The following DCDC2C variants were observed in gnomAD, a reference collection of about 807,000 sequenced individuals.
DCDC2C encodes doublecortin domain containing 2C.
A neutral mutation model predicts 45.0 loss-of-function variants in DCDC2C; 44 were observed. The ratio of observed to expected loss-of-function variants is 0.98; its 90% CI spans 0.77 to 1.26. The LOEUF (loss-of-function observed/expected upper bound fraction) is 1.26. DCDC2C is among the 50% of genes most tolerant of loss of function. DCDC2C has a pLI of 0.00. For missense variants in DCDC2C, 447 were observed against 468.9 expected (o/e 0.95, Z 0.43); for synonymous variants, 187 against 178.8 (o/e 1.05, Z -0.37).
chr2:3,730,471 A>G (rs1353003387), intron 3 of DCDC2C, among the ~76,000 whole-genome samples: 1 of 152,142 alleles, frequency 6.6e-6, no homozygotes, highest in Non-Finnish European at 1.5e-5. Context: ...ATTACGACAG[A>G]ACAAAGGGAT....
At chr2:3,790,728 T>C (rs1365070038) in intron 10 of DCDC2C, among the ~76,000 whole-genome samples, 6 of 152,166 alleles carry the variant, frequency 3.9e-5, no homozygotes, top group Admixed American at 1.3e-4. Flanking sequence ...GCAATCAACA[T>C]TGGAGTCTCA....
Position 3,767,893 on chromosome 2 carries a change from T to A in DCDC2C, c.853+13T>A. Reference sequence around the variant, plus strand: ...CAAAGGGGTGCAGGTGACGTGCAGTTTCATTCTGCTGTAGGCAGTTCGAAA... The same window carrying A: ...CAAAGGGGTGCAGGTGACGTGCAGTATCATTCTGCTGTAGGCAGTTCGAAA... On this transcript the variant is annotated intron_variant, in intron 7 of 10. Coordinates refer to ENST00000399143, the MANE Select transcript of DCDC2C (RefSeq NM_001287444.2). 1 of 1,494,216 alleles carries A rather than the reference T, an allele frequency of 6.7e-7. No homozygotes were observed. Among genetic ancestry groups the A allele is most frequent in the South Asian group, 1.4e-5 (1 of 73,568 alleles). 92.6% of individuals were successfully genotyped at this position (1,494,216 alleles called of 1,614,324 possible).
intron 8 of DCDC2C, among the ~76,000 whole-genome samples, chr2:3,771,799 C>T (rs79542059): frequency 0.1 from 15,482 of 152,250 alleles, 1,062 homozygotes; most frequent in East Asian, 0.3. Flanking sequence ...GCGCCTGGCC[C>T]GTGCTGCCTG....
chr2:3,808,947 T>C (rs1033739185), intron 10 of DCDC2C, among the ~76,000 whole-genome samples: 2 of 151,798 alleles, frequency 1.3e-5, no homozygotes, highest in African/African-American at 2.4e-5. Flanking sequence ...GGAATGAGGA[T>C]TTTTTTTTAA....
chr2:3,782,400 G>A (rs150241308), intron 9 of DCDC2C, among the ~76,000 whole-genome samples: 33 of 152,004 alleles, frequency 2.2e-4, no homozygotes, highest in African/African-American at 4.8e-4. Context: ...CAATTCTGAC[G>A]ATATTGGGCA....
intron 10 of DCDC2C, among the ~76,000 whole-genome samples, chr2:3,821,326 C>T (rs751612534): frequency 2.0e-5 from 3 of 152,160 alleles, no homozygotes; most frequent in Non-Finnish European, 2.9e-5. Context: ...TTAGCTTGGG[C>T]TCAGAGACCT....
chr2:3,795,062 T>A (rs898207900), intron 10 of DCDC2C, among the ~76,000 whole-genome samples: 6 of 152,066 alleles, frequency 3.9e-5, no homozygotes, highest in African/African-American at 1.2e-4. Flanking sequence ...CCATTCTAAC[T>A]GGTGTGAGAT....
At chr2:3,742,444 A>C (rs1353628173) in intron 4 of DCDC2C, among the ~76,000 whole-genome samples, 2 of 152,092 alleles carry the variant, frequency 1.3e-5, no homozygotes, top group Non-Finnish European at 2.9e-5. Context: ...GTCTTGGCAG[A>C]GATGGGGGAA....
chr2:3,800,277 C>A (rs1401928242), intron 10 of DCDC2C, among the ~76,000 whole-genome samples: 6 of 152,192 alleles, frequency 3.9e-5, no homozygotes, highest in Non-Finnish European at 7.4e-5. Context: ...CTGGCACTCC[C>A]TAGTGAGATG....
intron 10 of DCDC2C, among the ~76,000 whole-genome samples, chr2:3,799,914 A>C (rs1275882669): frequency 6.6e-5 from 10 of 152,044 alleles, no homozygotes; most frequent in African/African-American, 1.2e-4. Flanking sequence ...AGCTTCCCAG[A>C]TGCTTTGTTT....
At chr2:3,743,796 G>A (rs1188913480) in intron 4 of DCDC2C, among the ~76,000 whole-genome samples, 2 of 152,182 alleles carry the variant, frequency 1.3e-5, no homozygotes, top group Non-Finnish European at 2.9e-5. Flanking sequence ...GGCCGGGTGC[G>A]GTGGCTCACG....
rs907554244 is a variant in DCDC2C, at chr2:3,704,058, C to G, written c.287+20C>G. On this transcript the variant is annotated intron_variant, in intron 1 of 10. Coordinates refer to ENST00000399143, the MANE Select transcript of DCDC2C (RefSeq NM_001287444.2). ...GCTCGAGTAAGTGCGCCCGCGCCCC[C>G]CACGCGCCCTGCGCCCCTCCCCGCC... 7 of 1,245,394 alleles carry G rather than the reference C, an allele frequency of 5.6e-6. No individual in the cohort carries two copies. Among genetic ancestry groups the G allele is most frequent in the South Asian group, 3.3e-5 (1 of 30,186 alleles). 77.1% of individuals were successfully genotyped at this position (1,245,394 alleles called of 1,614,324 possible). A position where few individuals can be genotyped will look rare whatever the true frequency, so the allele number is the denominator to read the frequency against.
intron 2 of DCDC2C, among the ~76,000 whole-genome samples, chr2:3,717,967 A>G (rs73910344): frequency 0.015 from 2,328 of 152,204 alleles, 49 homozygotes; most frequent in African/African-American, 0.053. Flanking sequence ...TGAGGGTCAG[A>G]TGTTCCTCTC....
chr2:3,767,522 C>A (rs1307200348), intron 6 of DCDC2C, among the ~76,000 whole-genome samples: 6 of 152,206 alleles, frequency 3.9e-5, no homozygotes, highest in African/African-American at 1.4e-4. Context: ...TCTCTGCCTG[C>A]CAAGGCACTG....
intron 3 of DCDC2C, 140 bp from the exon 4 acceptor site, chr2:3,741,780 A>T: frequency 1.1e-6 from 1 of 910,322 alleles, no homozygotes. Context: ...GGTCCCCAAT[A>T]AGACATAGTA....
In DCDC2C at chr2:3,724,300, C is replaced by T. The variant is rs114969199; in HGVS notation, c.340-2703C>T. On this transcript the variant is annotated intron_variant, in intron 2 of 10. Coordinates refer to ENST00000399143, the MANE Select transcript of DCDC2C (RefSeq NM_001287444.2). ...GATTCACTGTGTTCTCGCTGCCTCT[C>T]GTGCAGCTCTCTATTCTGACGAAAG... is the stretch of plus-strand genomic sequence containing the variant. Among the ~76,000 whole-genome samples, 1,055 of 152,232 alleles carry T rather than the reference C, an allele frequency of 6.9e-3. 13 individuals are homozygous for T. The highest frequency in any genetic ancestry group is 0.024 in the African/African-American group (986 of 41,532).
intron 10 of DCDC2C, among the ~76,000 whole-genome samples, chr2:3,829,086 G>A (rs1384175050): frequency 9.2e-5 from 14 of 152,056 alleles, no homozygotes; most frequent in Admixed American, 6.5e-5. Context: ...CAGTGGCCCC[G>A]GCACAGGAAC....
chr2:3,769,386 TG>T lies in DCDC2C; in HGVS notation c.930del (p.Gln311SerfsTer13), dbSNP rs1488084475. On this transcript the variant is annotated frameshift_variant, in exon 8 of 11. Coordinates refer to ENST00000399143, the MANE Select transcript of DCDC2C (RefSeq NM_001287444.2). LOFTEE classifies it high-confidence loss of function. ...CTGGACGTCAAAGAGGAGCACAATG[TG>T]CAGCTGGAGGTGCCTGTGGACCAGG... ...GALDVKEEHNVQLEVPVDQRQ... is the reference protein window; with the variant it reads ...GALDVKEEHNXQLEVPVDQRQ... 6.4e-7 allele frequency: 1 copy of T among 1,550,392 alleles called. No individual in the cohort carries two copies. The highest frequency in any genetic ancestry group is 1.4e-5 in the African/African-American group (1 of 73,030).
chr2:3,819,229 G>A (rs900894482), intron 10 of DCDC2C, among the ~76,000 whole-genome samples: 11 of 152,234 alleles, frequency 7.2e-5, no homozygotes, highest in African/African-American at 2.4e-4. Context: ...AGTTCCAGGG[G>A]TTCTGGGAGT....
Sources: allele counts gnomAD v4.1 joint callset (sites outside exome capture counted in the v4.1 genomes callset), GRCh38; gene constraint gnomAD v4.1.1; transcripts MANE v1.5; gene names NCBI Gene and HGNC (gene_info 2026-07-23, HGNC 2026-07-21).